The following ZNF589 variants were observed in gnomAD, a reference collection of about 807,000 sequenced individuals.
ZNF589 encodes the protein zinc finger protein 589, also known as KRAB-zinc finger protein SZF1-1.
ZNF589 carries 17 observed loss-of-function variants against 13.6 expected under a neutral mutation model. The ratio of observed to expected loss-of-function variants is 1.25; its 90% CI spans 0.86 to 1.88. ZNF589 has a LOEUF of 1.88. Ranked by LOEUF, ZNF589 falls within the 40% of genes most tolerant of loss-of-function variation. ZNF589 has a pLI of 0.00. For synonymous variants in ZNF589, 148 were observed against 161.6 expected, an observed-to-expected ratio of 0.92 and a Z score of 0.64; for missense variants, 407 against 434.0, an observed-to-expected ratio of 0.94 and a Z score of 0.55.
intron 1 of ZNF589, among the ~76,000 whole-genome samples, chr3:48,242,259 C>T (rs1473176698): frequency 1.3e-5 from 2 of 151,984 alleles, no homozygotes; most frequent in Non-Finnish European, 2.9e-5. Context: ...TACAGGGACA[C>T]GCCACCACGC....
intron 2 of ZNF589, among the ~76,000 whole-genome samples, chr3:48,249,500 T>C (rs560444802): frequency 6.6e-6 from 1 of 152,212 alleles, no homozygotes; most frequent in Non-Finnish European, 1.5e-5. Flanking sequence ...GAATTCAATA[T>C]CGTTTCTGAT....
chr3:48,241,765 C>CAG, intron 1 of ZNF589, among the ~76,000 whole-genome samples: 1 of 152,026 alleles, frequency 6.6e-6, no homozygotes, highest in South Asian at 2.1e-4. Context: ...CTCCAGACCT[C>CAG]GTGATCCGCC....
chr3:48,247,336 G>A (rs1387966659), intron 1 of ZNF589, among the ~76,000 whole-genome samples: 1 of 151,928 alleles, frequency 6.6e-6, no homozygotes, highest in Non-Finnish European at 1.5e-5. Context: ...GGGAAATGAT[G>A]CCTTGTCTCA....
rs2033904771 is a variant in ZNF589 at position 48,256,494 on chromosome 3, G to A, written c.97-4319G>A. On this transcript the variant is annotated intron_variant, in intron 2 of 3. Transcript: ENST00000354698. ...CGGGGACCCCAGTGGGTCAGGTACT[G>A]GTTGAATTGGGGTTTGCCCTTTGGA... 7 of 598,100 alleles carry A rather than the reference G, an allele frequency of 1.2e-5. No individual in the cohort carries two copies. The South Asian group carries it at 1.2e-4, about 10-fold the overall frequency. The allele number at this position is 598,100 out of a possible 1,614,324, so 37.0% of individuals were successfully genotyped here.
intron 1 of ZNF589, 26 bp downstream of exon 1, chr3:48,241,240 C>G (rs767481977): frequency 6.2e-7 from 1 of 1,607,854 alleles, no homozygotes; most frequent in African/African-American, 1.3e-5. Context: ...GAGATCGCCT[C>G]CCCCATTCGG....
At chr3:48,261,032 T>A in intron 3 of ZNF589, 93 bp downstream of exon 3, 1 of 1,351,002 alleles carries the variant, frequency 7.4e-7, no homozygotes, top group Non-Finnish European at 1.0e-6. Context: ...TTAGAACATA[T>A]CAGTGAATAG....
intron 3 of ZNF589, among the ~76,000 whole-genome samples, chr3:48,261,755 C>T (rs1210202418): frequency 6.6e-6 from 1 of 152,140 alleles, no homozygotes; most frequent in East Asian, 1.9e-4. Flanking sequence ...CTGATTTGTT[C>T]TCTTTGCATC....
chr3:48,251,169 T>C (rs534606196), intron 2 of ZNF589, among the ~76,000 whole-genome samples: 1 of 152,308 alleles, frequency 6.6e-6, no homozygotes, highest in South Asian at 2.1e-4. Flanking sequence ...CAGTGACTTT[T>C]GAGGATGTGG....
Position 48,268,290 on chromosome 3 carries a change from T to A in ZNF589, c.599T>A (p.Val200Glu), listed in dbSNP as rs1254366689. ...GCCCAGAATGCAAGCTCTGAGGAAGTAGACAGAATTTCCAAGAGGGCAGAA... is the reference window on the plus strand; with the variant it reads ...GCCCAGAATGCAAGCTCTGAGGAAGAAGACAGAATTTCCAAGAGGGCAGAA... ...SPAQNASSEE[V>E]DRISKRAETP... The change falls in exon 4 of 4, where the codon GTA becomes GAA. Residue 200 changes from valine to glutamate, a missense_variant. Physicochemically the swap from Val to Glu is moderately radical, Grantham distance 121 (BLOSUM62 -2). Coordinates refer to ENST00000354698, the MANE Select transcript of ZNF589 (RefSeq NM_016089.3). The A allele has an allele frequency of 6.2e-7, 1 of 1,613,006 alleles. No individual in the cohort carries two copies. Among genetic ancestry groups the A allele is most frequent in the Non-Finnish European group, 8.5e-7 (1 of 1,179,258 alleles).
chr3:48,269,272 TTA>T lies in ZNF589; in HGVS notation c.*488_*489del. On this transcript the variant is annotated 3_prime_UTR_variant, in exon 4 of 4. Coordinates refer to ENST00000354698, the MANE Select transcript of ZNF589 (RefSeq NM_016089.3). ...AGAGGACACACACAGGAGAAAAGCCTTATGTCTGCGGAGAGTGTGGGCGAGGC... is the reference window on the plus strand; with the variant it reads ...AGAGGACACACACAGGAGAAAAGCCTTGTCTGCGGAGAGTGTGGGCGAGGC... 1 of 1,547,434 alleles carries T rather than the reference TTA, an allele frequency of 6.5e-7. No individual in the cohort carries two copies. Among genetic ancestry groups the T allele is most frequent in the Non-Finnish European group, 8.8e-7 (1 of 1,133,148 alleles).
chr3:48,264,649 T>G (rs1473878088), intron 3 of ZNF589, among the ~76,000 whole-genome samples: 1 of 151,468 alleles, frequency 6.6e-6, no homozygotes, highest in Non-Finnish European at 1.5e-5. Context: ...GGCAACATGG[T>G]GAAACCCCGT....
At chr3:48,256,018 ATTTTC>A (rs2033895213) in intron 2 of ZNF589, among the ~76,000 whole-genome samples, 2 of 145,804 alleles carry the variant, frequency 1.4e-5, no homozygotes, top group East Asian at 4.0e-4. Context: ...ACAATGATTG[ATTTTC>A]TTTTCTTTTT....
Position 48,247,697 on chromosome 3 carries a change from C to G in ZNF589, c.96+20C>G, listed in dbSNP as rs988110354. 2 of 1,611,476 alleles carry G rather than the reference C, an allele frequency of 1.2e-6. No homozygotes were observed. The highest frequency in any genetic ancestry group is 2.7e-5 in the African/African-American group (2 of 74,848). ...TATCTGGTGAGTTGGGCCCGCCCTTCTCTTTTCTGAAATGCTGGCTCATTT... is the reference window on the plus strand; with the variant it reads ...TATCTGGTGAGTTGGGCCCGCCCTTGTCTTTTCTGAAATGCTGGCTCATTT... On this transcript the variant is annotated intron_variant, in intron 2 of 3. Transcript: ENST00000354698.
chr3:48,250,145 A>AATTT (rs2033821222), intron 2 of ZNF589, among the ~76,000 whole-genome samples: 1 of 151,588 alleles, frequency 6.6e-6, no homozygotes, highest in Non-Finnish European at 1.5e-5. Flanking sequence ...AAAAAAATAC[A>AATTT]ATTTATTATT....
intron 2 of ZNF589, among the ~76,000 whole-genome samples, chr3:48,259,037 A>C (rs1311109345): frequency 6.6e-6 from 1 of 152,206 alleles, no homozygotes; most frequent in Non-Finnish European, 1.5e-5. Context: ...AAGATCACTG[A>C]GAATATGAGA....
rs2033692031 is a variant in ZNF589, at chr3:48,241,199, G to A, written c.28G>A (p.Gly10Ser). The A allele has an allele frequency of 6.2e-7, 1 of 1,613,164 alleles. No individual in the cohort carries two copies. Among genetic ancestry groups the A allele is most frequent in the Non-Finnish European group, 8.5e-7 (1 of 1,179,876 alleles). Residue 10 changes from glycine (G) to serine (S), a missense_variant, in exon 1 of 4, where the codon GGC (glycine) becomes AGC (serine). Coordinates refer to ENST00000354698, the MANE Select transcript of ZNF589 (RefSeq NM_016089.3). ...GTGGGCCCCGCGGGAGCAGCTACTGGGCTGGACTGCGGAAGGTGAGTCGGG... is the reference window on the plus strand; with the variant it reads ...GTGGGCCCCGCGGGAGCAGCTACTGAGCTGGACTGCGGAAGGTGAGTCGGG... The part of the protein sequence containing the change: MWAPREQLL[G>S]WTAEALPAKD...
chr3:48,256,600 G>T (rs548130058), intron 2 of ZNF589: 63 of 764,862 alleles, frequency 8.2e-5, no homozygotes, highest in Admixed American at 3.3e-4. Flanking sequence ...CCTCAATCTT[G>T]CAGTTCTCTT....
chr3:48,270,480 GA>G lies in ZNF589; in HGVS notation c.*1696del, dbSNP rs2034078328. ...GCTCGGGTGGCTAAATTACATCCAG[GA>G]ATGGTGCCAGGGCCTTTAGCCATTT... On this transcript the variant is annotated 3_prime_UTR_variant, in exon 4 of 4. Transcript: ENST00000354698. 2 of 355,268 alleles carry G rather than the reference GA, an allele frequency of 5.6e-6. No homozygotes were observed. The highest frequency in any genetic ancestry group is 1.1e-5 in the Non-Finnish European group (2 of 181,296). 22.0% of individuals were successfully genotyped at this position (355,268 alleles called of 1,614,324 possible).
At chr3:48,247,245 A>T (rs1037726131) in intron 1 of ZNF589, among the ~76,000 whole-genome samples, 13 of 152,018 alleles carry the variant, frequency 8.6e-5, no homozygotes, top group Admixed American at 7.9e-4. Flanking sequence ...AAGTTCTGGT[A>T]TTATAGGCGT....
Sources: allele counts gnomAD v4.1 joint callset (sites outside exome capture counted in the v4.1 genomes callset), GRCh38; gene constraint gnomAD v4.1.1; transcripts MANE v1.5; gene names NCBI Gene and HGNC (gene_info 2026-07-23, HGNC 2026-07-21).